P2RX7: variants seen among roughly 807,000 people sequenced by gnomAD.
P2RX7 encodes P2X purinoceptor 7.
A neutral mutation model predicts 71.6 loss-of-function variants in P2RX7; 62 were observed. That is an observed-to-expected ratio of 0.87 (90% CI 0.71 to 1.07). The LOEUF is 1.07. Among genes scored for constraint, P2RX7 ranks in the 50% least tolerant of loss-of-function variants. The probability of loss-of-function intolerance (pLI) is 0.00; values close to 1 mark genes in which losing one functional copy is unlikely to be tolerated. For missense variants in P2RX7, 686 were observed against 748.5 expected (o/e 0.92, Z 0.97); for synonymous variants, 299 against 283.3 (o/e 1.06, Z -0.56).
chr12:121,152,989 A>G (rs1221658551), intron 1 of P2RX7, among the ~76,000 whole-genome samples: 1 of 152,184 alleles, frequency 6.6e-6, no homozygotes, highest in Non-Finnish European at 1.5e-5. Flanking sequence ...TAAGAGTTTT[A>G]TTGCTGGGCC....
intron 1 of P2RX7, among the ~76,000 whole-genome samples, chr12:121,144,285 C>T (rs576976498): frequency 6.6e-6 from 1 of 152,308 alleles, no homozygotes; most frequent in African/African-American, 2.4e-5. Flanking sequence ...TCGACCTCTA[C>T]CTTCCGGATT....
intron 1 of P2RX7, among the ~76,000 whole-genome samples, chr12:121,139,166 TC>T (rs2135982544): frequency 6.6e-6 from 1 of 152,344 alleles, no homozygotes; most frequent in African/African-American, 2.4e-5. Flanking sequence ...GGTCTTGAAC[TC>T]CTGACCTCAG....
Position 121,160,133 on chromosome 12 carries a change from T to C in P2RX7, c.364-769T>C, listed in dbSNP as rs552716877. On this transcript the variant is annotated intron_variant, in intron 3 of 12. Coordinates refer to ENST00000328963, the MANE Select transcript of P2RX7 (RefSeq NM_002562.6). Reference sequence around the variant, plus strand: ...TTTCCTTTCTTTCTTTCTTTTTCTTTCTTTCTTCCTTCCTTCCTTTCTTTC... The same window carrying C: ...TTTCCTTTCTTTCTTTCTTTTTCTTCCTTTCTTCCTTCCTTCCTTTCTTTC... Among the ~76,000 whole-genome samples the C allele has an allele frequency of 2.1e-3, 315 of 151,952 alleles. 1 individual carries two copies. Among genetic ancestry groups the C allele is most frequent in the African/African-American group, 7.2e-3 (296 of 41,398 alleles).
intron 1 of P2RX7, among the ~76,000 whole-genome samples, chr12:121,136,023 A>ATATATATAT (rs1281670064): frequency 1.3e-4 from 2 of 15,256 alleles, no homozygotes; most frequent in African/African-American, 2.5e-4. Context: ...AAAAAAAAAA[A>ATATATATAT]ATATATATAT....
chr12:121,155,463 A>C (rs1410879214), intron 2 of P2RX7: 1 of 1,144,174 alleles, frequency 8.7e-7, no homozygotes, highest in Non-Finnish European at 1.2e-6. Context: ...CTAGATTTGC[A>C]AGCAGGGAAA....
chr12:121,140,056 T>C (rs1459754119), intron 1 of P2RX7, among the ~76,000 whole-genome samples: 2 of 152,114 alleles, frequency 1.3e-5, no homozygotes, highest in Non-Finnish European at 2.9e-5. Context: ...TTCAGAAAAG[T>C]AGAAGCAGGA....
intron 8 of P2RX7, among the ~76,000 whole-genome samples, chr12:121,168,324 G>C (rs1421997724): frequency 6.7e-6 from 1 of 150,212 alleles, no homozygotes; most frequent in Non-Finnish European, 1.5e-5. Context: ...GCCCAGGCTG[G>C]AGTGCAGTGG....
At chr12:121,184,252 C>A in intron 12 of P2RX7, 53 bp from the exon 13 acceptor site, 1 of 1,519,826 alleles carries the variant, frequency 6.6e-7, no homozygotes, top group Non-Finnish European at 8.8e-7. Flanking sequence ...ATTAAAGAAC[C>A]TAGAACCTGA....
intron 8 of P2RX7, among the ~76,000 whole-genome samples, chr12:121,169,835 C>T (rs1565966590): frequency 6.6e-6 from 1 of 152,256 alleles, no homozygotes; most frequent in African/African-American, 2.4e-5. Flanking sequence ...TTGCTTGAAC[C>T]TGGGAGGTGG....
At chr12:121,163,439 G>A (rs1413992848) in intron 5 of P2RX7, among the ~76,000 whole-genome samples, 1 of 151,956 alleles carries the variant, frequency 6.6e-6, no homozygotes. Flanking sequence ...TTGATGCAGT[G>A]ATGGAAATTT....
intron 1 of P2RX7, among the ~76,000 whole-genome samples, chr12:121,145,948 C>T (rs169631): frequency 1.3e-5 from 2 of 151,872 alleles, no homozygotes; most frequent in Admixed American, 6.6e-5. Context: ...AGGAGAGAAA[C>T]GGAAGTTGAT....
chr12:121,164,918 G>A (rs1013948428), intron 5 of P2RX7, among the ~76,000 whole-genome samples: 5 of 152,170 alleles, frequency 3.3e-5, no homozygotes, highest in African/African-American at 1.2e-4. Flanking sequence ...GAAGGCGAAG[G>A]GGAAGCAAAC....
At position 121,186,358 on chromosome 12, in the gene P2RX7, C is replaced by T. The variant is rs1378503519; in HGVS notation, c.*1556C>T. 1 of 152,182 alleles carries T rather than the reference C, an allele frequency of 6.6e-6. No homozygotes were observed. Among genetic ancestry groups the T allele is most frequent in the East Asian group, 1.9e-4 (1 of 5,188 alleles). The allele number at this position is 152,182 out of a possible 1,614,324, so 9.4% of individuals were successfully genotyped here. On this transcript the variant is annotated 3_prime_UTR_variant, in exon 13 of 13. Transcript: ENST00000328963. ...AGCAACAGGTAACTGGAACAGAGGGCAAGCCTGATGAATGGGCACACAGAC... is the reference window on the plus strand; with the variant it reads ...AGCAACAGGTAACTGGAACAGAGGGTAAGCCTGATGAATGGGCACACAGAC...
chr12:121,145,373 C>T (rs758003358), intron 1 of P2RX7, among the ~76,000 whole-genome samples: 3 of 151,988 alleles, frequency 2.0e-5, no homozygotes, highest in South Asian at 2.1e-4. Flanking sequence ...TTAGTGACAA[C>T]GACATTGTTG....
intron 8 of P2RX7, among the ~76,000 whole-genome samples, chr12:121,174,043 C>CTTTTTTTT (rs1555228910): frequency 8.2e-6 from 1 of 121,266 alleles, no homozygotes; most frequent in Non-Finnish European, 1.7e-5. Context: ...TTTTTCTTTT[C>CTTTTTTTT]TTTTCTTTTT....
At chr12:121,168,069 G>T (rs1881467463) in intron 8 of P2RX7, among the ~76,000 whole-genome samples, 1 of 151,980 alleles carries the variant, frequency 6.6e-6, no homozygotes, top group Admixed American at 6.6e-5. Flanking sequence ...ACCCTCGGGG[G>T]AATTTTCCTC....
chr12:121,177,253 G>C (rs767703750), intron 10 of P2RX7, 41 bp downstream of exon 10: 25 of 1,614,012 alleles, frequency 1.5e-5, no homozygotes, highest in Non-Finnish European at 1.6e-5. Context: ...AAATGGTTTG[G>C]AGAAGGAAGT....
Position 121,167,573 on chromosome 12 carries a change from G to A in P2RX7, c.830G>A (p.Arg277His), listed in dbSNP as rs145948482. 4.6e-5 allele frequency: 74 copies of A among 1,611,590 alleles called. No homozygotes were observed. Among genetic ancestry groups the A allele is most frequent in the South Asian group, 9.9e-5 (9 of 90,842 alleles). Reference sequence around the variant, plus strand: ...TGCCGTCCCAAATACAGTTTCCGTCGCCTTGACGACAAGACCACCAACGTG... The same window carrying A: ...TGCCGTCCCAAATACAGTTTCCGTCACCTTGACGACAAGACCACCAACGTG... ...HHCRPKYSFR[R>H]LDDKTTNVSL... The change falls in exon 8 of 13, where the codon CGC (arginine) becomes CAC (histidine). Residue 277 changes from arginine (R) to histidine (H), a missense_variant. Coordinates refer to ENST00000328963, the MANE Select transcript of P2RX7 (RefSeq NM_002562.6).
intron 5 of P2RX7, 146 bp downstream of exon 5, chr12:121,162,666 C>G: frequency 1.3e-6 from 1 of 797,812 alleles, no homozygotes; most frequent in Non-Finnish European, 2.0e-6. Flanking sequence ...TCTGGATGCA[C>G]TGCTTGGCAC....
Sources: gnomAD v4.1 joint callset for allele counts (sites outside exome capture counted in the v4.1 genomes callset) on GRCh38, gnomAD v4.1.1 for gene constraint, MANE v1.5 for transcripts, NCBI Gene and HGNC (gene_info 2026-07-23, HGNC 2026-07-21) for gene names.